Variants in TLE2 observed in about 807,000 individuals in gnomAD.
TLE2 encodes the protein TLE family member 2, transcriptional corepressor.
A neutral mutation model predicts 97.2 loss-of-function variants in TLE2; 74 were observed. That is an observed-to-expected ratio of 0.76 (90% CI 0.63 to 0.92). The LOEUF is 0.92. Among genes scored for constraint, TLE2 ranks in the 40% least tolerant of loss-of-function variants. TLE2 has a pLI of 0.00. For missense variants in TLE2, 1,038 were observed against 1,008.7 expected (o/e 1.03, Z -0.39); for synonymous variants, 499 against 432.1 (o/e 1.15, Z -1.92).
chr19:3,016,145 A>G (rs1226945797), intron 8 of TLE2, among the ~76,000 whole-genome samples: 4 of 151,888 alleles, frequency 2.6e-5, no homozygotes, highest in Non-Finnish European at 5.9e-5. Flanking sequence ...CATGTTGGCC[A>G]GGCCTATCTC....
chr19:3,018,382 T>C (rs1366552040), intron 7 of TLE2, among the ~76,000 whole-genome samples: 4 of 152,004 alleles, frequency 2.6e-5, no homozygotes, highest in African/African-American at 9.7e-5. Flanking sequence ...AACCTCTGCC[T>C]CCCAGGTTCA....
At chr19:3,017,449 TTTC>T (rs1287996481) in intron 8 of TLE2, among the ~76,000 whole-genome samples, 13 of 119,196 alleles carry the variant, frequency 1.1e-4, no homozygotes, top group East Asian at 9.1e-4. Flanking sequence ...TTTTTCTTTC[TTTC>T]TTTTTTTTTT....
chr19:3,028,235 G>T, intron 3 of TLE2, 84 bp downstream of exon 3: 2 of 1,386,236 alleles, frequency 1.4e-6, no homozygotes, highest in South Asian at 2.5e-5. Context: ...GGTTCGGAGT[G>T]GGGCAGGGAC....
chr19:3,025,226 A>G (rs2089921997), intron 4 of TLE2, 144 bp from the exon 5 acceptor site: 3 of 1,091,948 alleles, frequency 2.7e-6, no homozygotes, highest in Non-Finnish European at 2.6e-6. Flanking sequence ...TCAGGCTAGC[A>G]TGGCATGGGC....
At chr19:3,021,170 G>T (rs2089835600) in intron 5 of TLE2, among the ~76,000 whole-genome samples, 1 of 150,016 alleles carries the variant, frequency 6.7e-6, no homozygotes, top group Non-Finnish European at 1.5e-5. Context: ...ACTTTGGGAG[G>T]CTGAGGCAGG....
chr19:3,000,639 C>T lies in TLE2; in HGVS notation c.2124+8G>A. ...CTGCCAGAGTGGGGGCTCCAGACCG[C>T]CGAGTACCTGGAAAATGCTGGCCCC... On this transcript the variant is annotated splice_region_variant and intron_variant, in intron 19 of 19. Coordinates refer to ENST00000262953, the MANE Select transcript of TLE2 (RefSeq NM_003260.5). 1 of 1,576,094 alleles carries T rather than the reference C, an allele frequency of 6.3e-7. No homozygotes were observed. The highest frequency in any genetic ancestry group is 8.6e-7 in the Non-Finnish European group (1 of 1,161,518).
At position 3,024,883 on chromosome 19, in the gene TLE2, T is replaced by A; in HGVS notation, c.294+137A>T. On this transcript the variant is annotated intron_variant, in intron 5 of 19. Transcript: ENST00000262953. ...CCTGGCCTCAGGGCTGCGGGACTAC[T>A]GCAGTGAAAATGGTCTCTATCCGTG... 4 of 718,274 alleles carry A rather than the reference T, an allele frequency of 5.6e-6. No individual in the cohort carries two copies. In the East Asian group the frequency reaches 8.5e-5, roughly 15 times the overall value. 44.5% of individuals were successfully genotyped at this position (718,274 alleles called of 1,614,324 possible). A position where few individuals can be genotyped will look rare whatever the true frequency, so the allele number is the denominator to read the frequency against.
intron 4 of TLE2, 118 bp from the exon 5 acceptor site, chr19:3,025,200 G>T: frequency 8.8e-7 from 1 of 1,136,208 alleles, no homozygotes; most frequent in Non-Finnish European, 1.2e-6. Flanking sequence ...GACGCCCGCA[G>T]GTGCACAGAG....
chr19:3,009,668 G>A lies in TLE2; in HGVS notation c.1047C>T (p.Phe349=), dbSNP rs1390121051. 2.5e-6 allele frequency: 4 copies of A among 1,612,834 alleles called. No homozygotes were observed. Among genetic ancestry groups the A allele is most frequent in the African/African-American group, 1.3e-5 (1 of 75,030 alleles). The change falls in exon 13 of 20, where the codon TTC becomes TTT. Residue 349 remains phenylalanine (F), a synonymous_variant. Transcript: ENST00000262953. Reference sequence around the variant, plus strand: ...GGGAGCCCAGGCTGAAGGACGTGGTGAAGGGACTGGACAGAGTCAGGGGGC... The same window carrying A: ...GGGAGCCCAGGCTGAAGGACGTGGTAAAGGGACTGGACAGAGTCAGGGGGC... ...LRSPLTLSSP[F]TTSFSLGSHS...
chr19:3,039,770 C>A (rs1268914685), intron 1 of TLE2, among the ~76,000 whole-genome samples: 1 of 152,222 alleles, frequency 6.6e-6, no homozygotes, highest in Non-Finnish European at 1.5e-5. Context: ...AGGTCCCCTG[C>A]TAACCTGCCC....
chr19:3,002,561 C>A, intron 17 of TLE2, 58 bp from the exon 18 acceptor site: 6 of 1,530,618 alleles, frequency 3.9e-6, no homozygotes, highest in Non-Finnish European at 5.2e-6. Context: ...TGTGTTGAGA[C>A]AGGGTCTCAC....
intron 17 of TLE2, among the ~76,000 whole-genome samples, chr19:3,003,579 A>G (rs1455654212): frequency 2.0e-5 from 3 of 151,946 alleles, no homozygotes; most frequent in Non-Finnish European, 4.4e-5. Flanking sequence ...TGGAGGTTGC[A>G]GTGACCTGAG....
chr19:3,032,114 A>G (rs2090029701), upstream of TLE2, among the ~76,000 whole-genome samples: 1 of 151,874 alleles, frequency 6.6e-6, no homozygotes, highest in African/African-American at 2.4e-5. This position sits in a 1 kb window ranked among gnomAD's most constrained non-coding sequence, Gnocchi z 4.1. Context: ...TTGTATTATT[A>G]GTAGAGACGG....
At chr19:3,008,108 C>T (rs2089514322) in intron 14 of TLE2, among the ~76,000 whole-genome samples, 1 of 152,198 alleles carries the variant, frequency 6.6e-6, no homozygotes, top group Non-Finnish European at 1.5e-5. Context: ...CAAAACAAAA[C>T]TTTTCAGCTC....
At position 3,006,655 on chromosome 19, in the gene TLE2, T is replaced by C; in HGVS notation, c.1265A>G (p.His422Arg). Residue 422 changes from histidine (H) to arginine (R), a missense_variant, in exon 15 of 20, where the codon CAC becomes CGC. Coordinates refer to ENST00000262953, the MANE Select transcript of TLE2 (RefSeq NM_003260.5). ...IPGGKPAYSFHVSADGQMQPV... is the reference protein window; with the variant it reads ...IPGGKPAYSFRVSADGQMQPV... ...CTGCATCTGCCCGTCCGCAGACACG[T>C]GGAAGGAGTAGGCCCTGGAGAGAAA... 1 of 1,603,464 alleles carries C rather than the reference T, an allele frequency of 6.2e-7. No homozygotes were observed. The highest frequency in any genetic ancestry group is 8.5e-7 in the Non-Finnish European group (1 of 1,174,448).
intron 1 of TLE2, among the ~76,000 whole-genome samples, chr19:3,040,683 C>T (rs182933373): frequency 1.4e-5 from 2 of 148,016 alleles, no homozygotes; most frequent in Admixed American, 6.7e-5. Flanking sequence ...GGTCTCACTC[C>T]GTCGCCCAGG....
chr19:3,042,996 T>G (rs1221116631), intron 1 of TLE2, among the ~76,000 whole-genome samples: 3 of 152,228 alleles, frequency 2.0e-5, no homozygotes, highest in Admixed American at 6.6e-5. Context: ...TTATTTTTTA[T>G]TTTTTAGAGA....
intron 11 of TLE2, among the ~76,000 whole-genome samples, chr19:3,012,938 G>A (rs1368707801): frequency 6.6e-6 from 1 of 152,130 alleles, no homozygotes; most frequent in East Asian, 1.9e-4. Context: ...CCAATACAAC[G>A]GAGCTGACCC....
intron 19 of TLE2, 105 bp from the exon 20 acceptor site, chr19:2,998,060 G>T (rs536579627): frequency 4.1e-6 from 3 of 723,328 alleles, no homozygotes; most frequent in Non-Finnish European, 7.2e-6. Context: ...GTCAGGACTC[G>T]CCTACAGAGT....
Sources: gnomAD v4.1 joint callset for allele counts (sites outside exome capture counted in the v4.1 genomes callset) on GRCh38, gnomAD v4.1.1 for gene constraint, Gnocchi (gnomAD v3.1) non-coding constraint, MANE v1.5 for transcripts, NCBI Gene and HGNC (gene_info 2026-07-23, HGNC 2026-07-21) for gene names.